COG3: variants seen among roughly 807,000 people sequenced by gnomAD.
COG3 encodes the protein conserved oligomeric Golgi complex subunit 3.
In COG3, 32 loss-of-function variants were observed where a neutral mutation model predicts 114.1. The ratio of observed to expected loss-of-function variants is 0.28; its 90% confidence interval spans 0.21 to 0.38. The LOEUF (loss-of-function observed/expected upper bound fraction) is 0.38. Among genes scored for constraint, COG3 ranks in the 10% least tolerant of loss-of-function variants. The pLI is 1.00. For synonymous variants in COG3, 352 were observed against 365.7 expected, an observed-to-expected ratio of 0.96 and a Z score of 0.43; for missense variants, 813 against 973.2, an observed-to-expected ratio of 0.84 and a Z score of 2.19.
chr13:45,509,561 G>A lies in COG3; in HGVS notation c.1595-131G>A, dbSNP rs1593728675. ...TAGGGTATTCTTGATGAAAACTGAG[G>A]TGGGAAAAAATTGGTGCCCTCTAGC... is the stretch of plus-strand genomic sequence containing the variant. On this transcript the variant is annotated intron_variant, in intron 14 of 22. Coordinates refer to ENST00000349995, the MANE Select transcript of COG3 (RefSeq NM_031431.4). 13 of 991,596 alleles carry A rather than the reference G, an allele frequency of 1.3e-5. No homozygotes were observed. The East Asian group carries it at 3.2e-4, about 24-fold the overall frequency. 61.4% of individuals were successfully genotyped at this position (991,596 alleles called of 1,614,324 possible).
intron 8 of COG3, among the ~76,000 whole-genome samples, chr13:45,487,832 T>G (rs937391305): frequency 6.6e-6 from 1 of 152,154 alleles, no homozygotes; most frequent in Non-Finnish European, 1.5e-5. Flanking sequence ...TGGAGATTTC[T>G]CAAAAAACTA....
At chr13:45,514,361 G>A (rs897555486) in intron 16 of COG3, among the ~76,000 whole-genome samples, 1 of 151,916 alleles carries the variant, frequency 6.6e-6, no homozygotes, top group African/African-American at 2.4e-5. Flanking sequence ...GGGTTTCACC[G>A]TGTTGGCCAG....
chr13:45,527,210 C>T (rs911844739), intron 20 of COG3, among the ~76,000 whole-genome samples: 31 of 152,134 alleles, frequency 2.0e-4, no homozygotes, highest in Non-Finnish European at 1.5e-4. Context: ...GTATTGTGCT[C>T]TTAAGCATTA....
intron 13 of COG3, among the ~76,000 whole-genome samples, chr13:45,497,820 A>AC (rs397784732): frequency 4.3e-5 from 6 of 140,762 alleles, no homozygotes; most frequent in South Asian, 2.2e-4. Flanking sequence ...AACAACAACA[A>AC]AGTATGACCA....
chr13:45,522,892 T>C (rs1872314990), intron 19 of COG3, among the ~76,000 whole-genome samples: 2 of 152,214 alleles, frequency 1.3e-5, no homozygotes, highest in Non-Finnish European at 2.9e-5. Flanking sequence ...GTAGTGGTTA[T>C]AGTAGAAAGC....
At chr13:45,521,769 G>T (rs1421433321) in intron 19 of COG3, among the ~76,000 whole-genome samples, 1 of 151,164 alleles carries the variant, frequency 6.6e-6, no homozygotes, top group Admixed American at 6.6e-5. Context: ...TTACCTGCAA[G>T]TGCAGAATCT....
intron 15 of COG3, 46 bp downstream of exon 15, chr13:45,509,862 A>T (rs1428102713): frequency 6.9e-7 from 1 of 1,457,426 alleles, no homozygotes; most frequent in Admixed American, 2.0e-5. Flanking sequence ...CACTTGAAAT[A>T]TTTTTAAATT....
intron 10 of COG3, among the ~76,000 whole-genome samples, chr13:45,491,829 T>A (rs1201826271): frequency 1.3e-5 from 2 of 152,180 alleles, no homozygotes; most frequent in South Asian, 2.1e-4. Flanking sequence ...GCTGCAGAAG[T>A]GCTTTTTTGT....
chr13:45,535,024 GTTCT>G lies in COG3; in HGVS notation c.*296_*299del. On this transcript the variant is annotated 3_prime_UTR_variant, in exon 23 of 23. Transcript: ENST00000349995. ...GCTAGGGCAGACATGCAGTGAAATG[GTTCT>G]TTGTTAAAAATGTGCAATAAAAATA... is the stretch of plus-strand genomic sequence containing the variant. The G allele has an allele frequency of 2.6e-6, 3 of 1,166,298 alleles. No individual in the cohort carries two copies. The highest frequency in any genetic ancestry group is 3.2e-6 in the Non-Finnish European group (3 of 947,722). The allele number at this position is 1,166,298 out of a possible 1,614,324, so 72.2% of individuals were successfully genotyped here. A position where few individuals can be genotyped will look rare whatever the true frequency, so the allele number is the denominator to read the frequency against.
At chr13:45,483,411 T>A in intron 7 of COG3, 56 bp downstream of exon 7, 1 of 1,405,050 alleles carries the variant, frequency 7.1e-7, no homozygotes, top group Non-Finnish European at 9.5e-7. Flanking sequence ...TTTGATTCAT[T>A]CATCTTCCAT....
chr13:45,496,524 GT>G (rs1566254881), intron 13 of COG3, among the ~76,000 whole-genome samples: 1 of 151,354 alleles, frequency 6.6e-6, no homozygotes, highest in Admixed American at 6.6e-5. Context: ...TAGCCTAGAT[GT>G]TTTTTACTAG....
At chr13:45,499,317 A>G (rs996394939) in intron 13 of COG3, among the ~76,000 whole-genome samples, 1 of 152,220 alleles carries the variant, frequency 6.6e-6, no homozygotes, top group African/African-American at 2.4e-5. Context: ...GCCATGATTA[A>G]TAGCAAACTT....
intron 5 of COG3, 130 bp from the exon 6 acceptor site, chr13:45,482,251 G>T: frequency 2.0e-6 from 1 of 512,586 alleles, no homozygotes; most frequent in East Asian, 3.3e-5. Flanking sequence ...GGATATTTTG[G>T]TGACTTTTAA....
intron 21 of COG3, 39 bp from the exon 22 acceptor site, chr13:45,530,643 A>G: frequency 4.0e-6 from 5 of 1,242,988 alleles, no homozygotes; most frequent in Non-Finnish European, 5.9e-6. Flanking sequence ...CGTGTTTAAG[A>G]CAACTCATTT....
chr13:45,466,862 A>G (rs929962382), intron 1 of COG3, among the ~76,000 whole-genome samples: 1 of 152,210 alleles, frequency 6.6e-6, no homozygotes, highest in Non-Finnish European at 1.5e-5. Flanking sequence ...CATTAGCCAC[A>G]TGCAGTCTTT....
intron 16 of COG3, among the ~76,000 whole-genome samples, chr13:45,513,320 TATAC>T (rs1365958130): frequency 7.4e-6 from 1 of 134,888 alleles, no homozygotes; most frequent in Non-Finnish European, 1.5e-5. Context: ...ACATATAAAT[TATAC>T]ATATAATATA....
intron 19 of COG3, among the ~76,000 whole-genome samples, chr13:45,522,454 G>A (rs1175127133): frequency 6.6e-6 from 1 of 152,156 alleles, no homozygotes. Flanking sequence ...GAGACACTTT[G>A]TATGCATTAA....
At chr13:45,494,325 TAAA>T (rs756763419) in intron 12 of COG3, among the ~76,000 whole-genome samples, 1 of 117,026 alleles carries the variant, frequency 8.5e-6, no homozygotes. Context: ...GACTCTGTCT[TAAA>T]AAAAAAAAAA....
chr13:45,521,269 A>T (rs1487630272), intron 19 of COG3, among the ~76,000 whole-genome samples: 1 of 152,246 alleles, frequency 6.6e-6, no homozygotes, highest in East Asian at 1.9e-4. Flanking sequence ...ATCCCTGAAC[A>T]AATGTTCATG....
Sources: gnomAD v4.1 joint callset for allele counts (sites outside exome capture counted in the v4.1 genomes callset) on GRCh38, gnomAD v4.1.1 for gene constraint, MANE v1.5 for transcripts, NCBI Gene and HGNC (gene_info 2026-07-23, HGNC 2026-07-21) for gene names.